Variants in ABCA9 observed in about 807,000 individuals in gnomAD.
The protein encoded by ABCA9 is ATP binding cassette subfamily A member 9, also known as ATP-binding cassette sub-family A member 9.
Under a neutral mutation model 205.3 loss-of-function variants are expected in ABCA9, and 183 were observed. The ratio of observed to expected loss-of-function variants is 0.89; its 90% CI spans 0.79 to 1.01. The LOEUF (loss-of-function observed/expected upper bound fraction) is 1.01, where lower values mean the gene tolerates loss of function less well. Ranked by LOEUF, ABCA9 falls within the 50% of genes least tolerant of loss-of-function variation. The probability of loss-of-function intolerance (pLI) is 0.00; values close to 1 mark genes in which losing one functional copy is unlikely to be tolerated. For synonymous variants in ABCA9, 651 were observed against 683.3 expected, an observed-to-expected ratio of 0.95 and a Z score of 0.74; for missense variants, 1,805 against 1,912.4, an observed-to-expected ratio of 0.94 and a Z score of 1.05.
chr17:69,005,011 G>A (rs1411388900), intron 25 of ABCA9, among the ~76,000 whole-genome samples: 3 of 152,014 alleles, frequency 2.0e-5, no homozygotes, highest in African/African-American at 7.2e-5. Context: ...ACTGACCTGC[G>A]CCCACTGTCT....
At position 68,986,331 on chromosome 17, in the gene ABCA9, A is replaced by C. The variant is rs1231823133; in HGVS notation, c.4048-7T>G. 6.2e-7 allele frequency: 1 copy of C among 1,601,572 alleles called. No homozygotes were observed. Among genetic ancestry groups the C allele is most frequent in the Non-Finnish European group, 8.5e-7 (1 of 1,174,516 alleles). ...CGCTCCCTTTCAAAATCACCTATGC[A>C]AAATAAGTTCATTCTTAGATTCTAT... On this transcript the variant is annotated splice_region_variant and splice_polypyrimidine_tract_variant and intron_variant, in intron 31 of 38. Transcript: ENST00000340001.
chr17:68,995,241 T>A (rs2069579403), intron 26 of ABCA9, among the ~76,000 whole-genome samples: 1 of 152,180 alleles, frequency 6.6e-6, no homozygotes, highest in Admixed American at 6.5e-5. Flanking sequence ...GAGAAGAGCC[T>A]CCAGCACACA....
At chr17:69,006,039 T>C (rs2070114330) in intron 25 of ABCA9, among the ~76,000 whole-genome samples, 1 of 152,212 alleles carries the variant, frequency 6.6e-6, no homozygotes, top group Non-Finnish European at 1.5e-5. Flanking sequence ...GTGTTTATTT[T>C]AACAAACATA....
At chr17:69,061,222 C>G (rs77941101), upstream of ABCA9, 697 of 918,786 alleles carry the variant, frequency 7.6e-4, 5 homozygotes, top group African/African-American at 0.011. Flanking sequence ...TCTTTTCATA[C>G]AAGGCCCTAA....
intron 25 of ABCA9, among the ~76,000 whole-genome samples, chr17:68,999,001 C>A (rs1233057363): frequency 1.3e-5 from 2 of 151,956 alleles, no homozygotes. Context: ...AGTCATGCAG[C>A]ACCTTTTTAT....
intron 13 of ABCA9, 43 bp from the exon 14 acceptor site, chr17:69,027,492 AT>A: frequency 3.2e-6 from 5 of 1,578,162 alleles, no homozygotes; most frequent in Non-Finnish European, 4.3e-6. Flanking sequence ...CAGAAAGTTT[AT>A]TTTAAAAACA....
At position 68,996,034 on chromosome 17, in the gene ABCA9, T is replaced by C. The variant is rs2069610912; in HGVS notation, c.3436-20A>G. The C allele has an allele frequency of 6.2e-7, 1 of 1,609,194 alleles. No homozygotes were observed. The highest frequency in any genetic ancestry group is 8.5e-7 in the Non-Finnish European group (1 of 1,177,992). On this transcript the variant is annotated intron_variant, in intron 25 of 38. Transcript: ENST00000340001. The stretch of plus-strand genomic sequence containing the variant: ...GACCACCTAAAACAAATGCACAGTA[T>C]AGCGTCATTAAAGTGTACCAATCTG...
chr17:69,020,694 C>A, intron 18 of ABCA9, 108 bp from the exon 19 acceptor site: 1 of 851,646 alleles, frequency 1.2e-6, no homozygotes, highest in Non-Finnish European at 1.8e-6. Context: ...CCTCTTGGGC[C>A]AAGATACAAG....
intron 36 of ABCA9, among the ~76,000 whole-genome samples, chr17:68,983,146 G>A (rs549058987): frequency 1.7e-4 from 26 of 152,120 alleles, no homozygotes; most frequent in Admixed American, 1.7e-3. Context: ...CTAAGAGGAG[G>A]AATGAAAGAC....
intron 32 of ABCA9, 67 bp from the exon 33 acceptor site, chr17:68,985,195 T>A: frequency 2.5e-6 from 4 of 1,590,446 alleles, no homozygotes; most frequent in Non-Finnish European, 3.4e-6. Flanking sequence ...AATGAGCAAA[T>A]CAGGAGAAAC....
At chr17:69,001,370 A>T (rs1200871235) in intron 25 of ABCA9, among the ~76,000 whole-genome samples, 1 of 151,844 alleles carries the variant, frequency 6.6e-6, no homozygotes, top group Admixed American at 6.6e-5. Context: ...ATCTATTGAG[A>T]TAATCATGTG....
chr17:68,998,242 A>G (rs1384193382), intron 25 of ABCA9, among the ~76,000 whole-genome samples: 1 of 152,158 alleles, frequency 6.6e-6, no homozygotes. Context: ...TATAAACATC[A>G]TTGTGCAGGT....
chr17:69,074,152 C>T, the ABCA9 span, among the ~76,000 whole-genome samples: 2 of 152,142 alleles, frequency 1.3e-5, no homozygotes, highest in Non-Finnish European at 2.9e-5. Context: ...TTGCTCCATT[C>T]TCTCCTTGAC....
At position 69,017,737 on chromosome 17, in the gene ABCA9, T is replaced by C; in HGVS notation, c.2820A>G (p.Ile940Met). The C allele has an allele frequency of 6.2e-7, 1 of 1,613,460 alleles. No homozygotes were observed. Among genetic ancestry groups the C allele is most frequent in the Non-Finnish European group, 8.5e-7 (1 of 1,179,500 alleles). ...LHSLRRQNIAIEVDAFGTRNG... is the reference protein window; with the variant it reads ...LHSLRRQNIAMEVDAFGTRNG... The stretch of plus-strand genomic sequence containing the variant: ...TTCTAGTTCCAAAGGCATCCACTTC[T>C]ATAGCTATGTTCTGTCGCCTCAGTG... The change falls in exon 21 of 39, where the codon ATA (isoleucine) becomes ATG (methionine). Residue 940 changes from isoleucine to methionine, a missense_variant. Physicochemically the swap from Ile to Met is conservative, Grantham distance 10. Coordinates refer to ENST00000340001, the MANE Select transcript of ABCA9 (RefSeq NM_080283.4).
At chr17:68,978,780 C>T (rs1216234244) in intron 37 of ABCA9, among the ~76,000 whole-genome samples, 1 of 152,110 alleles carries the variant, frequency 6.6e-6, no homozygotes, top group African/African-American at 2.4e-5. Context: ...ATTGATGGGA[C>T]ATATCTCAAA....
chr17:68,982,542 C>T lies in ABCA9; in HGVS notation c.4720+20G>A. 1 of 1,596,936 alleles carries T rather than the reference C, an allele frequency of 6.3e-7. No homozygotes were observed. The highest frequency in any genetic ancestry group is 2.2e-5 in the East Asian group (1 of 44,794). On this transcript the variant is annotated intron_variant, in intron 37 of 38. Coordinates refer to ENST00000340001, the MANE Select transcript of ABCA9 (RefSeq NM_080283.4). ...GCTTATCTGTTTCCCAGAGTTTTGT[C>T]TCTAAACAGTCACTCTTACCTATCT...
intron 22 of ABCA9, 103 bp from the exon 23 acceptor site, chr17:69,012,186 C>A: frequency 1.3e-6 from 1 of 775,876 alleles, no homozygotes; most frequent in South Asian, 2.1e-5. Context: ...GCTGATCACT[C>A]AAAGTGCTTC....
intron 18 of ABCA9, 55 bp from the exon 19 acceptor site, chr17:69,020,641 G>T: frequency 6.6e-7 from 1 of 1,523,282 alleles, no homozygotes; most frequent in Non-Finnish European, 9.0e-7. Flanking sequence ...GCATTATTTA[G>T]CTTTTCCTAT....
In ABCA9 at chr17:69,018,547, T is replaced by G; in HGVS notation, c.2633A>C (p.Gln878Pro). 3 of 1,602,070 alleles carry G rather than the reference T, an allele frequency of 1.9e-6. No homozygotes were observed. Among genetic ancestry groups the G allele is most frequent in the Non-Finnish European group, 2.6e-6 (3 of 1,176,006 alleles). The change falls in exon 20 of 39, where the codon CAA becomes CCA. Residue 878 changes from glutamine (Q) to proline (P), a missense_variant. Transcript: ENST00000340001. ...CTCGTAGAATAGATGTTCCAAAAGT[T>G]GAGGGATAAAGCTAATACCAAAAAG... ...LLLFGISFIPQLLEHLFYESY... is the reference protein window; with the variant it reads ...LLLFGISFIPPLLEHLFYESY...
Sources: gnomAD v4.1 joint callset for allele counts (sites outside exome capture counted in the v4.1 genomes callset) on GRCh38, gnomAD v4.1.1 for gene constraint, MANE v1.5 for transcripts, NCBI Gene and HGNC (gene_info 2026-07-23, HGNC 2026-07-21) for gene names.